The following GOLT1A variants were observed in gnomAD, a reference collection of about 807,000 sequenced individuals.
GOLT1A encodes the protein vesicle transport protein GOT1A.
A neutral mutation model predicts 16.1 loss-of-function variants in GOLT1A; 10 were observed. The observed-to-expected ratio is 0.62, with a 90% CI of 0.38 to 1.05. The LOEUF (loss-of-function observed/expected upper bound fraction) is 1.05, where lower values mean the gene tolerates loss of function less well. GOLT1A is among the 50% of genes least tolerant of loss of function. The pLI is 0.01. For synonymous variants in GOLT1A, 60 were observed against 67.9 expected (o/e 0.88, Z 0.57); for missense variants, 137 against 165.7 (o/e 0.83, Z 0.95).
chr1:204,211,498 T>A (rs10900560), intron 1 of GOLT1A, among the ~76,000 whole-genome samples: 16,974 of 152,250 alleles, frequency 0.11, 1,009 homozygotes, highest in Middle Eastern at 0.19. Flanking sequence ...TCCTCATCAT[T>A]CAGGTCTCAG....
intron 1 of GOLT1A, among the ~76,000 whole-genome samples, chr1:204,212,981 G>A (rs1659162904): frequency 6.6e-6 from 1 of 152,052 alleles, no homozygotes; most frequent in African/African-American, 2.4e-5. Context: ...AGAGCTGCGT[G>A]GCTTTGCTTC....
chr1:204,198,362 G>A lies in GOLT1A; in HGVS notation c.*96C>T. The A allele has an allele frequency of 8.9e-7, 1 of 1,125,362 alleles. No homozygotes were observed. The highest frequency in any genetic ancestry group is 1.3e-6 in the Non-Finnish European group (1 of 755,294). The allele number at this position is 1,125,362 out of a possible 1,614,324, so 69.7% of individuals were successfully genotyped here. A position where few individuals can be genotyped will look rare whatever the true frequency, so the allele number is the denominator to read the frequency against. On this transcript the variant is annotated 3_prime_UTR_variant, in exon 5 of 5. Coordinates refer to ENST00000308302, the MANE Select transcript of GOLT1A (RefSeq NM_198447.2). ...ACTTGGGGAGGTCCGGATATGTCGGGGAGTGAGTCAGTGCAGGGGACTGAG... is the reference window on the plus strand; with the variant it reads ...ACTTGGGGAGGTCCGGATATGTCGGAGAGTGAGTCAGTGCAGGGGACTGAG...
At chr1:204,211,440 T>A (rs2102341033) in intron 1 of GOLT1A, among the ~76,000 whole-genome samples, 1 of 152,296 alleles carries the variant, frequency 6.6e-6, no homozygotes, top group Non-Finnish European at 1.5e-5. Context: ...GTACATGCAG[T>A]TTCCTGGTCT....
At chr1:204,213,731 G>T in intron 1 of GOLT1A, 151 bp downstream of exon 1, 1 of 823,712 alleles carries the variant, frequency 1.2e-6, no homozygotes, top group Non-Finnish European at 1.9e-6. Context: ...ACCCCACCCT[G>T]CCTGCTGCCC....
At chr1:204,208,408 ATATATGTATACATATGTG>A (rs1188451086) in intron 1 of GOLT1A, among the ~76,000 whole-genome samples, 5 of 58,126 alleles carry the variant, frequency 8.6e-5, no homozygotes, top group Non-Finnish European at 2.2e-4. Context: ...ACATATATGT[ATATATGTATACATATGTG>A]TATATGTATA....
intron 1 of GOLT1A, among the ~76,000 whole-genome samples, chr1:204,211,985 T>A (rs1423285091): frequency 2.0e-5 from 3 of 152,094 alleles, no homozygotes; most frequent in Admixed American, 6.5e-5. Flanking sequence ...TCATGGATGC[T>A]CATAGTCCTA....
intron 3 of GOLT1A, among the ~76,000 whole-genome samples, 176 bp downstream of exon 3, chr1:204,201,457 G>GATGGGCTA (rs1658960090): frequency 6.6e-6 from 1 of 152,184 alleles, no homozygotes; most frequent in Non-Finnish European, 1.5e-5. Flanking sequence ...TTTGTTGATG[G>GATGGGCTA]ATGGGCTAAT....
intron 1 of GOLT1A, among the ~76,000 whole-genome samples, chr1:204,207,227 G>A (rs1306682232): frequency 1.3e-5 from 2 of 152,178 alleles, no homozygotes; most frequent in African/African-American, 4.8e-5. Flanking sequence ...TGCCCGGCAC[G>A]GTCCCCGTGA....
At chr1:204,213,478 G>A (rs1249673743) in intron 1 of GOLT1A, among the ~76,000 whole-genome samples, 1 of 152,244 alleles carries the variant, frequency 6.6e-6, no homozygotes, top group East Asian at 1.9e-4. Context: ...GGTTTGGTCA[G>A]GGGAGTGGAG....
chr1:204,205,230 AT>A (rs1439745680), intron 1 of GOLT1A, among the ~76,000 whole-genome samples: 1 of 152,108 alleles, frequency 6.6e-6, no homozygotes, highest in Non-Finnish European at 1.5e-5. Flanking sequence ...CCTAGAAATC[AT>A]TATCAAATCC....
chr1:204,212,022 C>T (rs767901460), intron 1 of GOLT1A, among the ~76,000 whole-genome samples: 2 of 152,070 alleles, frequency 1.3e-5, no homozygotes, highest in Non-Finnish European at 2.9e-5. Context: ...AGATTATTCC[C>T]ACATTTCTGT....
chr1:204,200,985 T>C (rs1658947398), intron 3 of GOLT1A, among the ~76,000 whole-genome samples: 1 of 152,186 alleles, frequency 6.6e-6, no homozygotes, highest in Admixed American at 6.5e-5. Flanking sequence ...TACCCATCCC[T>C]CAAGGCTTCT....
chr1:204,213,171 T>A (rs1659165370), intron 1 of GOLT1A, among the ~76,000 whole-genome samples: 1 of 152,232 alleles, frequency 6.6e-6, no homozygotes, highest in Non-Finnish European at 1.5e-5. Context: ...CTTCTTTCTG[T>A]TAATTACCTG....
At chr1:204,208,459 CTT>C (rs1491517384) in intron 1 of GOLT1A, among the ~76,000 whole-genome samples, 1 of 36,800 alleles carries the variant, frequency 2.7e-5, no homozygotes, top group African/African-American at 9.6e-5. Flanking sequence ...TATATGTATA[CTT>C]GTGTGTGTGT....
chr1:204,211,756 G>A (rs889993122), intron 1 of GOLT1A, among the ~76,000 whole-genome samples: 3 of 152,094 alleles, frequency 2.0e-5, no homozygotes, highest in African/African-American at 7.2e-5. Context: ...AGCGGGGTGC[G>A]GGATGGAAAT....
At chr1:204,198,814 A>G (rs67875197) in intron 4 of GOLT1A, 87,794 of 484,786 alleles carry the variant, frequency 0.18, 11,319 homozygotes, top group African/African-American at 0.5. Flanking sequence ...TGCTGTCATC[A>G]GCTGTCATAC....
At chr1:204,198,968 C>A in intron 4 of GOLT1A, 1 of 567,630 alleles carries the variant, frequency 1.8e-6, no homozygotes, top group Non-Finnish European at 3.2e-6. Context: ...TCTACAGCCA[C>A]ACTCAGCTAC....
chr1:204,210,511 C>G lies in GOLT1A; in HGVS notation c.25+3371G>C, dbSNP rs149953355. ...AATCATAGCTCACTGCAGCCTTGAA[C>G]TCCTGGGCTCAAGGGATCCTTCTAC... On this transcript the variant is annotated intron_variant, in intron 1 of 4. Coordinates refer to ENST00000308302, the MANE Select transcript of GOLT1A (RefSeq NM_198447.2). 9.7e-3 allele frequency among the ~76,000 whole-genome samples: 1,478 copies of G among 152,362 alleles called. 28 individuals carry two copies. The highest frequency in any genetic ancestry group is 0.034 in the African/African-American group (1,399 of 41,580).
intron 1 of GOLT1A, 54 bp downstream of exon 1, chr1:204,213,828 C>G: frequency 6.3e-7 from 1 of 1,596,002 alleles, no homozygotes; most frequent in South Asian, 1.1e-5. Context: ...AGAGAGCCAG[C>G]CGGCAGGGAG....
Sources: gnomAD v4.1 joint callset for allele counts (sites outside exome capture counted in the v4.1 genomes callset) on GRCh38, gnomAD v4.1.1 for gene constraint, MANE v1.5 for transcripts, NCBI Gene and HGNC (gene_info 2026-07-23, HGNC 2026-07-21) for gene names.